SLC23A2: variants seen among roughly 807,000 people sequenced by gnomAD.
SLC23A2 encodes the protein Na(+)/L-ascorbic acid transporter 2.
A neutral mutation model predicts 73.3 loss-of-function variants in SLC23A2; 36 were observed. That is an observed-to-expected ratio of 0.49 (90% CI 0.38 to 0.65). The LOEUF (loss-of-function observed/expected upper bound fraction) is 0.65, where lower values mean the gene tolerates loss of function less well. SLC23A2 is among the 30% of genes least tolerant of loss of function. The pLI is 0.00. For synonymous variants in SLC23A2, 343 were observed against 327.3 expected (o/e 1.05, Z -0.52); for missense variants, 507 against 841.6 (o/e 0.60, Z 4.92).
intron 6 of SLC23A2, among the ~76,000 whole-genome samples, chr20:4,890,766 G>A (rs1298559507): frequency 6.6e-6 from 1 of 152,184 alleles, no homozygotes; most frequent in African/African-American, 2.4e-5. Context: ...TGAACTTTTG[G>A]AAAGCAGCCT....
At chr20:4,932,127 G>C (rs976919298) in intron 3 of SLC23A2, among the ~76,000 whole-genome samples, 7 of 152,138 alleles carry the variant, frequency 4.6e-5, no homozygotes, top group African/African-American at 7.2e-5. Flanking sequence ...GTGATGTTGG[G>C]TTGCACATTA....
At chr20:4,983,359 CA>C (rs1018642175) in intron 1 of SLC23A2, among the ~76,000 whole-genome samples, 6 of 152,000 alleles carry the variant, frequency 3.9e-5, no homozygotes, top group African/African-American at 1.4e-4. Flanking sequence ...GCAAAAGACA[CA>C]AGCAGGCTGG....
chr20:4,867,955 C>T lies in SLC23A2; in HGVS notation c.1251-80G>A, dbSNP rs1343587769. On this transcript the variant is annotated intron_variant, in intron 12 of 16. Transcript: ENST00000338244. ...CTCTGAAATAGCCTCTACACATCTA[C>T]AATCCAAAAATGTGGTCCAGAGCCT... is the stretch of plus-strand genomic sequence containing the variant. 5 of 818,936 alleles carry T rather than the reference C, an allele frequency of 6.1e-6. 1 individual carries two copies. Among genetic ancestry groups the T allele is most frequent in the African/African-American group, 5.2e-5 (3 of 57,554 alleles). The allele number at this position is 818,936 out of a possible 1,614,324, so 50.7% of individuals were successfully genotyped here.
chr20:4,925,408 A>T (rs1932635337), intron 3 of SLC23A2, among the ~76,000 whole-genome samples: 1 of 152,238 alleles, frequency 6.6e-6, no homozygotes, highest in South Asian at 2.1e-4. Flanking sequence ...AGCTGCCACA[A>T]GATTGACGTA....
At chr20:4,963,360 T>C (rs899321542) in intron 2 of SLC23A2, among the ~76,000 whole-genome samples, 13 of 152,098 alleles carry the variant, frequency 8.5e-5, no homozygotes, top group African/African-American at 3.1e-4. Context: ...CCTAAAGATG[T>C]ATCCAGCAAG....
In SLC23A2 at chr20:4,868,037, C is replaced by T. The variant is rs1048295001; in HGVS notation, c.1251-162G>A. Among the ~76,000 whole-genome samples, 5 of 151,970 alleles carry T rather than the reference C, an allele frequency of 3.3e-5. No homozygotes were observed. Among genetic ancestry groups the T allele is most frequent in the African/African-American group, 1.2e-4 (5 of 41,358 alleles). ...GCGATTAAAAATACAATCTCAGACC[C>T]CACCCCAGACCTGCTGAAGCAGAAA... is the stretch of plus-strand genomic sequence containing the variant. On this transcript the variant is annotated intron_variant, in intron 12 of 16. Coordinates refer to ENST00000338244, the MANE Select transcript of SLC23A2 (RefSeq NM_005116.6). This position sits in a 1 kb window ranked among gnomAD's most constrained non-coding sequence, Gnocchi z 4.4.
chr20:4,954,698 C>CA (rs200579910), intron 2 of SLC23A2, among the ~76,000 whole-genome samples: 6,052 of 55,092 alleles, frequency 0.11, 250 homozygotes, highest in Middle Eastern at 0.19. Flanking sequence ...GACTCCATCA[C>CA]AAAAAAAAAA....
intron 2 of SLC23A2, among the ~76,000 whole-genome samples, chr20:4,940,306 C>T (rs1470060828): frequency 3.3e-5 from 5 of 151,968 alleles, no homozygotes; most frequent in Non-Finnish European, 7.4e-5. Flanking sequence ...CAGAGTGAGA[C>T]CCCATCTCAA....
At chr20:4,894,482 T>C (rs915264021) in intron 6 of SLC23A2, among the ~76,000 whole-genome samples, 1 of 152,214 alleles carries the variant, frequency 6.6e-6, no homozygotes, top group Non-Finnish European at 1.5e-5. Context: ...AACTCAGACA[T>C]GCTTCACGTG....
chr20:4,972,580 T>C (rs1255334703), intron 1 of SLC23A2, among the ~76,000 whole-genome samples: 2 of 151,938 alleles, frequency 1.3e-5, no homozygotes, highest in African/African-American at 4.8e-5. Context: ...TTTGGGGTTT[T>C]TTTGTTGTTG....
At chr20:4,972,883 C>CT (rs1345759474) in intron 1 of SLC23A2, among the ~76,000 whole-genome samples, 1 of 152,128 alleles carries the variant, frequency 6.6e-6, no homozygotes, top group Non-Finnish European at 1.5e-5. Flanking sequence ...TATGCCAAGC[C>CT]TTAAGCTATG....
chr20:5,002,203 A>C (rs561801847), upstream of SLC23A2, among the ~76,000 whole-genome samples: 24 of 152,286 alleles, frequency 1.6e-4, no homozygotes, highest in African/African-American at 5.1e-4. Context: ...CCTCGGTCTT[A>C]GAGCTGGGCA....
chr20:4,866,604 C>T (rs1197138241), intron 13 of SLC23A2, among the ~76,000 whole-genome samples: 1 of 152,236 alleles, frequency 6.6e-6, no homozygotes, highest in African/African-American at 2.4e-5. Flanking sequence ...CATTGGCACA[C>T]CTCAGGCTGA....
chr20:4,888,307 C>G (rs373042656), intron 6 of SLC23A2, among the ~76,000 whole-genome samples: 188 of 152,310 alleles, frequency 1.2e-3, no homozygotes, highest in African/African-American at 4.2e-3. Context: ...CGGTGGAGCT[C>G]AGCAGCATTA....
intron 2 of SLC23A2, among the ~76,000 whole-genome samples, chr20:4,948,517 T>C (rs2087151559): frequency 6.6e-6 from 1 of 152,176 alleles, no homozygotes; most frequent in African/African-American, 2.4e-5. Flanking sequence ...TCTGAGGGAT[T>C]CACCTGCTCT....
chr20:4,973,311 G>T (rs576603828), intron 1 of SLC23A2, among the ~76,000 whole-genome samples: 2 of 152,122 alleles, frequency 1.3e-5, no homozygotes, highest in South Asian at 4.1e-4. Flanking sequence ...AATTAAAAAC[G>T]GCTCCATGAG....
At chr20:4,882,213 A>G (rs1930914375) in intron 9 of SLC23A2, among the ~76,000 whole-genome samples, 1 of 152,066 alleles carries the variant, frequency 6.6e-6, no homozygotes, top group Non-Finnish European at 1.5e-5. Flanking sequence ...CGTCTCTACT[A>G]AAAATACAAA....
chr20:4,927,009 T>G (rs1365836129), intron 3 of SLC23A2, among the ~76,000 whole-genome samples: 1 of 151,994 alleles, frequency 6.6e-6, no homozygotes, highest in Non-Finnish European at 1.5e-5. Context: ...TCTAGATGCC[T>G]TAACAGCTGA....
chr20:4,991,971 G>A lies in SLC23A2; in HGVS notation c.-282+9435C>T, dbSNP rs931473116. On this transcript the variant is annotated intron_variant, in intron 1 of 16. Transcript: ENST00000338244. ...CTAAGAATACAAAAATTAGCCAGGC[G>A]TGGTGGCACATGCCTGTAATCCCAG... Among the ~76,000 whole-genome samples the A allele has an allele frequency of 4.6e-5, 7 of 151,978 alleles. No individual in the cohort carries two copies. The South Asian group carries it at 8.3e-4, about 18-fold the overall frequency.
Sources: allele counts gnomAD v4.1 joint callset (sites outside exome capture counted in the v4.1 genomes callset), GRCh38; gene constraint gnomAD v4.1.1; non-coding constraint Gnocchi (gnomAD v3.1); transcripts MANE v1.5; gene names NCBI Gene and HGNC (gene_info 2026-07-23, HGNC 2026-07-21).